Variants in GRM1 observed in about 807,000 individuals in gnomAD.
The protein encoded by GRM1 is metabotropic glutamate receptor 1.
A neutral mutation model predicts 90.9 loss-of-function variants in GRM1; 33 were observed. That is an observed-to-expected ratio of 0.36 (90% CI 0.28 to 0.49). GRM1 has a LOEUF of 0.49. Among genes scored for constraint, GRM1 ranks in the 20% least tolerant of loss-of-function variants. GRM1 has a pLI of 0.99. For synonymous variants in GRM1, 700 were observed against 613.2 expected (o/e 1.14, Z -2.09); for missense variants, 1,190 against 1,534.3 (o/e 0.78, Z 3.75).
intron 3 of GRM1, among the ~76,000 whole-genome samples, chr6:146,308,128 T>C (rs1392897564): frequency 1.3e-5 from 2 of 152,208 alleles, no homozygotes; most frequent in Non-Finnish European, 2.9e-5. Flanking sequence ...AATGGCATAG[T>C]GCTTTTTCAT....
At chr6:146,195,211 T>C (rs1470992137) in intron 2 of GRM1, among the ~76,000 whole-genome samples, 4 of 152,232 alleles carry the variant, frequency 2.6e-5, no homozygotes, top group Non-Finnish European at 1.5e-5. Flanking sequence ...CTAAGAAAGC[T>C]TAAGAAATAT....
At chr6:146,191,938 G>A (rs1778947260) in intron 2 of GRM1, among the ~76,000 whole-genome samples, 1 of 152,142 alleles carries the variant, frequency 6.6e-6, no homozygotes, top group South Asian at 2.1e-4. Flanking sequence ...ACAAGCTGGG[G>A]AAAGGACTAT....
intron 2 of GRM1, among the ~76,000 whole-genome samples, chr6:146,299,067 C>T (rs956091801): frequency 6.6e-6 from 1 of 152,184 alleles, no homozygotes; most frequent in Non-Finnish European, 1.5e-5. Flanking sequence ...AGACTTCCTT[C>T]CCTCTGATCT....
chr6:146,344,858 C>G (rs773018208), intron 3 of GRM1, among the ~76,000 whole-genome samples: 5 of 151,970 alleles, frequency 3.3e-5, no homozygotes, highest in Non-Finnish European at 7.4e-5. Flanking sequence ...GTTGCCCAGG[C>G]TGGAGTGCAA....
At chr6:146,409,854 A>G (rs549645265) in intron 7 of GRM1, among the ~76,000 whole-genome samples, 2 of 152,312 alleles carry the variant, frequency 1.3e-5, no homozygotes, top group African/African-American at 4.8e-5. Context: ...ATTGGCTGCT[A>G]ACAAAATTAG....
At chr6:146,253,516 C>T (rs141727500) in intron 2 of GRM1, among the ~76,000 whole-genome samples, 151 of 152,082 alleles carry the variant, frequency 9.9e-4, no homozygotes, top group African/African-American at 3.5e-3. Flanking sequence ...ACTCCTAAGC[C>T]GTTCACATTC....
chr6:146,364,308 G>A (rs1775597667), intron 5 of GRM1, among the ~76,000 whole-genome samples: 1 of 152,182 alleles, frequency 6.6e-6, no homozygotes, highest in South Asian at 2.1e-4. Context: ...CTCCACGACA[G>A]TGTGAGGAGG....
At chr6:146,102,513 A>T (rs1033792826) in intron 1 of GRM1, among the ~76,000 whole-genome samples, 1 of 152,220 alleles carries the variant, frequency 6.6e-6, no homozygotes, top group African/African-American at 2.4e-5. Context: ...TGGTAATCAT[A>T]GAACTGTTTT....
intron 2 of GRM1, among the ~76,000 whole-genome samples, chr6:146,264,524 G>GT (rs1040023797): frequency 3.6e-4 from 52 of 146,264 alleles, no homozygotes; most frequent in East Asian, 9.9e-4. Context: ...TTTTGTTTTT[G>GT]TTTTTTTTTT....
intron 5 of GRM1, among the ~76,000 whole-genome samples, chr6:146,363,306 C>A (rs889473632): frequency 1.3e-5 from 2 of 152,132 alleles, no homozygotes; most frequent in African/African-American, 2.4e-5. Flanking sequence ...AACCTAAGAT[C>A]CTTCCTTAGC....
chr6:146,425,527 AG>A (rs1251895161), intron 7 of GRM1, among the ~76,000 whole-genome samples: 1 of 80,662 alleles, frequency 1.2e-5, no homozygotes, highest in Non-Finnish European at 3.9e-5. Flanking sequence ...TACCCTGGAC[AG>A]TTGTCACCAG....
intron 7 of GRM1, among the ~76,000 whole-genome samples, chr6:146,407,722 A>T (rs1583456115): frequency 1.3e-5 from 2 of 152,172 alleles, no homozygotes; most frequent in African/African-American, 4.8e-5. Context: ...AATGGGGCCA[A>T]AAATCATTGT....
At chr6:146,177,300 G>C (rs1035589733) in intron 2 of GRM1, among the ~76,000 whole-genome samples, 1 of 152,008 alleles carries the variant, frequency 6.6e-6, no homozygotes, top group Non-Finnish European at 1.5e-5. Context: ...CAGCAGGCTA[G>C]AATAGAATAG....
intron 2 of GRM1, among the ~76,000 whole-genome samples, chr6:146,249,329 G>A (rs999924695): frequency 2.0e-5 from 3 of 152,136 alleles, no homozygotes; most frequent in African/African-American, 7.2e-5. Flanking sequence ...TAGAGGTCTA[G>A]GAGGGAAAAA....
chr6:146,340,190 T>C (rs893103316), intron 3 of GRM1, among the ~76,000 whole-genome samples: 1 of 152,200 alleles, frequency 6.6e-6, no homozygotes, highest in African/African-American at 2.4e-5. Flanking sequence ...ACCTAGCCCA[T>C]AGAAGAATCT....
chr6:146,363,922 C>A (rs1168220703), intron 5 of GRM1, among the ~76,000 whole-genome samples: 1 of 152,162 alleles, frequency 6.6e-6, no homozygotes, highest in East Asian at 1.9e-4. Flanking sequence ...AGATATTGCC[C>A]CTCTGTTCTC....
At chr6:146,290,610 T>C (rs1156511527) in intron 2 of GRM1, among the ~76,000 whole-genome samples, 1 of 152,136 alleles carries the variant, frequency 6.6e-6, no homozygotes. Flanking sequence ...TTGCTTGCGA[T>C]TGGTGACTCA....
At chr6:146,207,199 T>G (rs1779524990) in intron 2 of GRM1, among the ~76,000 whole-genome samples, 2 of 152,202 alleles carry the variant, frequency 1.3e-5, no homozygotes, top group African/African-American at 4.8e-5. Flanking sequence ...CTGGGTCAAA[T>G]GGTAGTATAC....
At chr6:146,430,127 G>A (rs549198708) in intron 7 of GRM1, among the ~76,000 whole-genome samples, 1 of 152,308 alleles carries the variant, frequency 6.6e-6, no homozygotes, top group African/African-American at 2.4e-5. Flanking sequence ...CAGGATCACT[G>A]AATGCCAAAG....
Sources: allele counts gnomAD v4.1 joint callset (sites outside exome capture counted in the v4.1 genomes callset), GRCh38; gene constraint gnomAD v4.1.1; transcripts MANE v1.5; gene names NCBI Gene and HGNC (gene_info 2026-07-23, HGNC 2026-07-21).